Variants in GRIA2 observed in about 807,000 individuals in gnomAD.
GRIA2 encodes glutamate ionotropic receptor AMPA type subunit 2, also known as glutamate receptor 2.
In GRIA2, 14 loss-of-function variants were observed where a neutral mutation model predicts 97.3. That is an observed-to-expected ratio of 0.14 (90% CI 0.10 to 0.23). The LOEUF is 0.23. GRIA2 is among the 10% of genes least tolerant of loss of function. GRIA2 has a pLI of 1.00. For synonymous variants in GRIA2, 412 were observed against 387.8 expected (o/e 1.06, Z -0.73); for missense variants, 558 against 1,069.8 (o/e 0.52, Z 6.67).
chr4:157,317,899 C>G (rs181685281), intron 5 of GRIA2, among the ~76,000 whole-genome samples, 188 bp downstream of exon 5: 3 of 152,154 alleles, frequency 2.0e-5, no homozygotes, highest in Admixed American at 6.5e-5. Flanking sequence ...TTGCTTGAAT[C>G]CAGAAGGCGG....
intron 2 of GRIA2, among the ~76,000 whole-genome samples, chr4:157,302,946 T>C (rs1051419467): frequency 5.9e-5 from 9 of 152,192 alleles, no homozygotes; most frequent in Non-Finnish European, 1.0e-4. Flanking sequence ...GTTAGGTCCA[T>C]GGGGAAGATT....
intron 12 of GRIA2, among the ~76,000 whole-genome samples, chr4:157,343,206 AG>A (rs1026306815): frequency 6.6e-6 from 1 of 152,078 alleles, no homozygotes; most frequent in African/African-American, 2.4e-5. Flanking sequence ...TTGGATAGTT[AG>A]GCAAATTGAT....
intron 2 of GRIA2, among the ~76,000 whole-genome samples, chr4:157,261,357 A>T (rs981946670): frequency 6.6e-6 from 1 of 152,132 alleles, no homozygotes; most frequent in Non-Finnish European, 1.5e-5. Flanking sequence ...ACTAAATGTT[A>T]TTCCTATTTT....
intron 2 of GRIA2, among the ~76,000 whole-genome samples, chr4:157,272,858 A>C (rs1410164513): frequency 1.3e-5 from 2 of 152,064 alleles, no homozygotes; most frequent in Non-Finnish European, 2.9e-5. Context: ...GCACATGTGA[A>C]GTTCATGGCT....
chr4:157,300,315 C>T (rs1173237493), intron 2 of GRIA2, among the ~76,000 whole-genome samples: 1 of 152,042 alleles, frequency 6.6e-6, no homozygotes, highest in Non-Finnish European at 1.5e-5. Flanking sequence ...TATTTAAATA[C>T]GAACAGTCTT....
chr4:157,233,241 G>A (rs1008235774), intron 2 of GRIA2, among the ~76,000 whole-genome samples: 3 of 152,124 alleles, frequency 2.0e-5, no homozygotes, highest in Admixed American at 6.5e-5. Context: ...ACTATAGGAC[G>A]AGAATGATTT....
chr4:157,348,630 T>C (rs1735868097), intron 12 of GRIA2, among the ~76,000 whole-genome samples: 1 of 152,180 alleles, frequency 6.6e-6, no homozygotes, highest in African/African-American at 2.4e-5. Flanking sequence ...TTTCATCGTG[T>C]CTTTAAAGGA....
chr4:157,351,483 T>C (rs2126972700), intron 12 of GRIA2, among the ~76,000 whole-genome samples: 1 of 152,316 alleles, frequency 6.6e-6, no homozygotes, highest in South Asian at 2.1e-4. Flanking sequence ...CGTAAGGTAA[T>C]GAGAACATAT....
intron 2 of GRIA2, among the ~76,000 whole-genome samples, chr4:157,261,357 A>C (rs981946670): frequency 2.0e-5 from 3 of 152,250 alleles, no homozygotes; most frequent in South Asian, 2.1e-4. Flanking sequence ...ACTAAATGTT[A>C]TTCCTATTTT....
At chr4:157,263,915 A>C (rs760844433) in intron 2 of GRIA2, among the ~76,000 whole-genome samples, 3 of 152,024 alleles carry the variant, frequency 2.0e-5, no homozygotes, top group Non-Finnish European at 4.4e-5. Context: ...CTTTTCTACT[A>C]TTTCTCTGTC....
At chr4:157,222,896 G>T (rs1173287786) in intron 2 of GRIA2, among the ~76,000 whole-genome samples, 3 of 152,206 alleles carry the variant, frequency 2.0e-5, no homozygotes, top group Non-Finnish European at 2.9e-5. Context: ...TGGGCAGGCA[G>T]TCGCGGCCAC....
Position 157,267,129 on chromosome 4 carries a change from TA to T in GRIA2, c.230-36414del, listed in dbSNP as rs201634327. 9.3e-5 allele frequency among the ~76,000 whole-genome samples: 14 copies of T among 149,980 alleles called. 1 individual carries two copies. The highest frequency in any genetic ancestry group is 3.3e-4 in the Admixed American group (5 of 15,010). On this transcript the variant is annotated intron_variant, in intron 2 of 15. Transcript: ENST00000264426. ...GAAAAAAAGGATGCTAGCTTTGTGT[TA>T]AAAAAAAATGTTGGGCTGGGCACGG...
intron 2 of GRIA2, among the ~76,000 whole-genome samples, chr4:157,230,918 A>G (rs1162511966): frequency 4.6e-5 from 7 of 152,084 alleles, no homozygotes; most frequent in Non-Finnish European, 8.8e-5. Context: ...CAGTAGAGCT[A>G]TCACAGCTCG....
intron 2 of GRIA2, among the ~76,000 whole-genome samples, chr4:157,230,181 C>T (rs572073761): frequency 3.9e-5 from 6 of 152,202 alleles, no homozygotes; most frequent in Admixed American, 2.0e-4. Flanking sequence ...ATCAAAATAC[C>T]GTTCTGTTTC....
chr4:157,282,344 C>A (rs533321048), intron 2 of GRIA2, among the ~76,000 whole-genome samples: 1 of 152,020 alleles, frequency 6.6e-6, no homozygotes, highest in Non-Finnish European at 1.5e-5. Context: ...TGACCTATGT[C>A]AACAGGTACC....
chr4:157,281,165 C>T (rs1023924092), intron 2 of GRIA2, among the ~76,000 whole-genome samples: 1 of 152,046 alleles, frequency 6.6e-6, no homozygotes, highest in African/African-American at 2.4e-5. Flanking sequence ...ATAACAGAAA[C>T]AGGAGGCACA....
At chr4:157,221,178 T>C (rs1362448675) in intron 1 of GRIA2, 48 bp downstream of exon 1, 1 of 936,296 alleles carries the variant, frequency 1.1e-6, no homozygotes, top group Non-Finnish European at 1.8e-6. Flanking sequence ...AATTTGGTGG[T>C]AATCTTTGTT....
At position 157,361,511 on chromosome 4, in the gene GRIA2, G is replaced by A. The variant is rs372759375; in HGVS notation, c.2406+387G>A. 7.3e-7 allele frequency: 1 copy of A among 1,364,492 alleles called. No homozygotes were observed. The highest frequency in any genetic ancestry group is 1.0e-6 in the Non-Finnish European group (1 of 953,508). The allele number at this position is 1,364,492 out of a possible 1,614,324, so 84.5% of individuals were successfully genotyped here. ...AATAACATAAAATAACATTGATAATGTTATTTATGTTATTTTCCACGTGAA... is the reference window on the plus strand; with the variant it reads ...AATAACATAAAATAACATTGATAATATTATTTATGTTATTTTCCACGTGAA... On this transcript the variant is annotated intron_variant, in intron 14 of 15. Transcript: ENST00000264426. This position sits in a 1 kb window ranked among gnomAD's most constrained non-coding sequence, Gnocchi z 5.2.
At chr4:157,329,734 A>G (rs1330846610) in intron 6 of GRIA2, among the ~76,000 whole-genome samples, 1 of 151,944 alleles carries the variant, frequency 6.6e-6, no homozygotes, top group Admixed American at 6.6e-5. Context: ...CATATTTTAC[A>G]ACTCATCAAG....
Sources: gnomAD v4.1 joint callset for allele counts (sites outside exome capture counted in the v4.1 genomes callset) on GRCh38, gnomAD v4.1.1 for gene constraint, Gnocchi (gnomAD v3.1) non-coding constraint, MANE v1.5 for transcripts, NCBI Gene and HGNC (gene_info 2026-07-23, HGNC 2026-07-21) for gene names.